TBC1D1: variants seen among roughly 807,000 people sequenced by gnomAD.
The protein encoded by TBC1D1 is TBC1 domain family member 1, also known as TBC1 (tre-2/USP6, BUB2, cdc16) domain family, member 1.
TBC1D1 carries 89 observed loss-of-function variants against 125.6 expected under a neutral mutation model. The observed-to-expected ratio is 0.71, with a 90% CI of 0.60 to 0.85. TBC1D1 has a LOEUF of 0.85. Ranked by LOEUF, TBC1D1 falls within the 40% of genes least tolerant of loss-of-function variation. The pLI, the probability that TBC1D1 is intolerant of heterozygous loss-of-function variation, is 0.00. For synonymous variants in TBC1D1, 565 were observed against 564.1 expected, an observed-to-expected ratio of 1.00 and a Z score of -0.02; for missense variants, 1,377 against 1,469.2, an observed-to-expected ratio of 0.94 and a Z score of 1.03.
At chr4:38,053,156 T>G (rs1578449284) in intron 11 of TBC1D1, 4 of 1,538,332 alleles carry the variant, frequency 2.6e-6, no homozygotes, top group Non-Finnish European at 3.5e-6. Flanking sequence ...TCTTCCTCTG[T>G]GCCAAATTTT....
Position 38,014,635 on chromosome 4 carries a change from A to G in TBC1D1, c.544A>G (p.Thr182Ala). Residue 182 changes from threonine to alanine, a missense_variant, in exon 3 of 20, where the codon ACG (threonine) becomes GCG (alanine). Physicochemically the swap from Thr to Ala is moderately conservative, Grantham distance 58. Around this residue, in one of 3 missense-constraint regions of TBC1D1, gnomAD observed 822 missense variants for 824.6 expected, o/e 1.00. Transcript: ENST00000261439. This position sits in a 1 kb window ranked among gnomAD's most constrained non-coding sequence, Gnocchi z 5.1. Reference sequence around the variant, plus strand: ...CGAGGTGCTCTTCTGCGGCCGCGTGACGGTGGCGCACAAGAAGGCTCCGCC... The same window carrying G: ...CGAGGTGCTCTTCTGCGGCCGCGTGGCGGTGGCGCACAAGAAGGCTCCGCC... 6.2e-7 allele frequency: 1 copy of G among 1,613,306 alleles called. No homozygotes were observed. The highest frequency in any genetic ancestry group is 8.5e-7 in the Non-Finnish European group (1 of 1,180,018).
intron 2 of TBC1D1, among the ~76,000 whole-genome samples, chr4:37,959,849 G>A (rs1421671966): frequency 6.6e-6 from 1 of 152,130 alleles, no homozygotes; most frequent in Non-Finnish European, 1.5e-5. Flanking sequence ...TGCTCAGAGA[G>A]GGCCTCTCGG....
intron 2 of TBC1D1, among the ~76,000 whole-genome samples, chr4:37,966,096 G>A (rs968046623): frequency 2.0e-5 from 3 of 152,132 alleles, no homozygotes; most frequent in Admixed American, 1.3e-4. Flanking sequence ...AGGGAAGCTT[G>A]GAAGGGACCT....
intron 7 of TBC1D1, among the ~76,000 whole-genome samples, chr4:38,032,063 A>G (rs1214729827): frequency 6.6e-6 from 1 of 152,244 alleles, no homozygotes; most frequent in Non-Finnish European, 1.5e-5. Flanking sequence ...TCATGCCTGT[A>G]ATTCCAGCAC....
rs1250442545 is a variant in TBC1D1 at position 38,115,806 on chromosome 4, A to G, written c.2654A>G (p.Gln885Arg). The change falls in exon 16 of 20, where the codon CAG (glutamine) becomes CGG (arginine). Residue 885 changes from glutamine (Q) to arginine (R), a missense_variant. Physicochemically the swap from Gln to Arg is conservative, Grantham distance 43. Transcript: ENST00000261439. ...TTGAAGGCCTACTCACTTCTAGACCAGGAAGTGGGATATTGCCAAGGTCTC... is the reference window on the plus strand; with the variant it reads ...TTGAAGGCCTACTCACTTCTAGACCGGGAAGTGGGATATTGCCAAGGTCTC... 1.2e-6 allele frequency: 2 copies of G among 1,614,082 alleles called. No homozygotes were observed. Among genetic ancestry groups the G allele is most frequent in the African/African-American group, 2.7e-5 (2 of 74,928 alleles).
chr4:38,122,990 A>T (rs959896685), intron 17 of TBC1D1, among the ~76,000 whole-genome samples: 19 of 70,426 alleles, frequency 2.7e-4, no homozygotes, highest in African/African-American at 8.1e-4. Context: ...GATTTATTGT[A>T]AAAAAACCAA....
In TBC1D1 at chr4:38,124,584, T is replaced by C. The variant is rs58619748; in HGVS notation, c.2963-378T>C. ...AGACACTTTTTCACTTACTCTATCT[T>C]AATTTCTGATGCTTTATCTATAAAA... On this transcript the variant is annotated intron_variant, in intron 17 of 19. Coordinates refer to ENST00000261439, the MANE Select transcript of TBC1D1 (RefSeq NM_015173.4). Among the ~76,000 whole-genome samples the C allele has an allele frequency of 5.9e-3, 906 of 152,342 alleles. 10 individuals carry two copies. The highest frequency in any genetic ancestry group is 0.02 in the African/African-American group (816 of 41,564).
Position 38,021,587 on chromosome 4 carries a change from T to C in TBC1D1, c.1079T>C (p.Val360Ala), listed in dbSNP as rs777619503. The change falls in exon 6 of 20, where the codon GTT (valine) becomes GCT (alanine). Residue 360 changes from valine (V) to alanine (A), a missense_variant and splice_region_variant. This residue lies in a region of TBC1D1 where 822 missense variants were observed against 824.6 expected (regional missense o/e 1.00). Transcript: ENST00000261439. ...ACAACTTCTCTTCTCTTTGATTAGG[T>C]TGATGAAATTATGATGACCCTGAAA... 1.3e-6 allele frequency: 2 copies of C among 1,543,224 alleles called. No homozygotes were observed. Among genetic ancestry groups the C allele is most frequent in the African/African-American group, 1.4e-5 (1 of 71,568 alleles).
At chr4:38,125,272 A>G in intron 18 of TBC1D1, 141 bp downstream of exon 20, 5 of 737,736 alleles carry the variant, frequency 6.8e-6, no homozygotes, top group Non-Finnish European at 1.1e-5. Flanking sequence ...GAGGAGGCAT[A>G]TCACAAACGT....
At chr4:37,962,310 T>C (rs1051267487) in intron 2 of TBC1D1, among the ~76,000 whole-genome samples, 2 of 152,252 alleles carry the variant, frequency 1.3e-5, no homozygotes, top group African/African-American at 2.4e-5. Flanking sequence ...CTGTAAATGG[T>C]AGGGCCTCAT....
intron 11 of TBC1D1, 149 bp downstream of exon 11, chr4:38,050,047 C>T (rs189760072): frequency 3.8e-4 from 337 of 898,178 alleles, no homozygotes; most frequent in Middle Eastern, 2.4e-3. Context: ...GTGACATGTT[C>T]GTTCGAGCTG....
chr4:37,909,305 C>T (rs1179175920), intron 2 of TBC1D1, among the ~76,000 whole-genome samples: 1 of 152,182 alleles, frequency 6.6e-6, no homozygotes, highest in African/African-American at 2.4e-5. Context: ...CCATTGTTGC[C>T]TTGGCTGAGT....
intron 12 of TBC1D1, chr4:38,055,068 C>T (rs1380351202): frequency 6.6e-6 from 1 of 152,190 alleles, no homozygotes; most frequent in Non-Finnish European, 1.5e-5. Flanking sequence ...CGCCCAGCTC[C>T]CGAGATCTTA....
At chr4:37,932,642 A>T (rs1723498672) in intron 2 of TBC1D1, among the ~76,000 whole-genome samples, 1 of 152,172 alleles carries the variant, frequency 6.6e-6, no homozygotes, top group African/African-American at 2.4e-5. Flanking sequence ...TACAGATAGG[A>T]GCCTTTGACT....
Position 38,110,525 on chromosome 4 carries a change from G to T in TBC1D1, c.2558-5185G>T, listed in dbSNP as rs73134643. 1,409 of 985,412 alleles carry T rather than the reference G, an allele frequency of 1.4e-3. 18 individuals are homozygous for T. In the African/African-American group the frequency reaches 0.022, roughly 16 times the overall value. 61.0% of individuals were successfully genotyped at this position (985,412 alleles called of 1,614,324 possible). A position where few individuals can be genotyped will look rare whatever the true frequency, so the allele number is the denominator to read the frequency against. On this transcript the variant is annotated intron_variant, in intron 15 of 19. Transcript: ENST00000261439. ...TGAAGAGGAATTACTAGGTCATTTA[G>T]AAATATGTTTGAATTGTGGATCATC...
At chr4:37,949,957 G>C (rs1016829878) in intron 2 of TBC1D1, among the ~76,000 whole-genome samples, 9 of 152,066 alleles carry the variant, frequency 5.9e-5, no homozygotes, top group African/African-American at 2.2e-4. Context: ...GTTGCACCGA[G>C]AGGTAACCCA....
chr4:37,957,562 T>G (rs1050460035), intron 2 of TBC1D1, among the ~76,000 whole-genome samples: 1 of 152,156 alleles, frequency 6.6e-6, no homozygotes, highest in Non-Finnish European at 1.5e-5. Flanking sequence ...GAGGCTACAG[T>G]GAGCTATGAT....
chr4:38,105,947 A>G (rs141558886), intron 15 of TBC1D1, among the ~76,000 whole-genome samples: 1 of 152,282 alleles, frequency 6.6e-6, no homozygotes, highest in African/African-American at 2.4e-5. Context: ...TGTTTTGAGT[A>G]TATACTCAGT....
rs75759883 is a variant in TBC1D1 at position 37,907,902 on chromosome 4, A to T, written c.417+5390A>T. On this transcript the variant is annotated intron_variant, in intron 2 of 19. Coordinates refer to ENST00000261439, the MANE Select transcript of TBC1D1 (RefSeq NM_015173.4). ...TGCCCCTCATACTGATTGTCATTTT[A>T]GATCATTCATAAAAGTAATTGCATT... is the stretch of plus-strand genomic sequence containing the variant. Among the ~76,000 whole-genome samples, 774 of 152,348 alleles carry T rather than the reference A, an allele frequency of 5.1e-3. 8 individuals are homozygous for T. The highest frequency in any genetic ancestry group is 0.018 in the African/African-American group (753 of 41,576).
Sources: gnomAD v4.1 joint callset for allele counts (sites outside exome capture counted in the v4.1 genomes callset) on GRCh38, gnomAD v4.1.1 for gene constraint, gnomAD v4.1.1 regional missense constraint, Gnocchi (gnomAD v3.1) non-coding constraint, MANE v1.5 for transcripts, NCBI Gene and HGNC (gene_info 2026-07-23, HGNC 2026-07-21) for gene names.